The following RPS6KA6 variants were observed in gnomAD, a reference collection of about 807,000 sequenced individuals.
The protein encoded by RPS6KA6 is ribosomal protein S6 kinase A6, also known as ribosomal protein S6 kinase alpha-6.
RPS6KA6 carries 27 observed loss-of-function variants against 65.4 expected under a neutral mutation model. The ratio of observed to expected loss-of-function variants is 0.41; its 90% CI spans 0.30 to 0.57. RPS6KA6 has a LOEUF of 0.57. RPS6KA6 is among the 20% of genes least tolerant of loss of function. The pLI, the probability that RPS6KA6 is intolerant of heterozygous loss-of-function variation, is 0.24. For synonymous variants in RPS6KA6, 190 were observed against 184.2 expected (o/e 1.03, Z -0.26); for missense variants, 486 against 555.6 (o/e 0.87, Z 1.26).
chrX:84,090,390 G>C, intron 20 of RPS6KA6, among the ~76,000 whole-genome samples: 1 of 112,126 alleles, frequency 8.9e-6, no homozygotes, highest in Middle Eastern at 4.6e-3. Context: ...ACTACTATGA[G>C]TTCTAGATGA....
intron 1 of RPS6KA6, among the ~76,000 whole-genome samples, chrX:84,167,790 ATG>A (rs1419346842): frequency 1.8e-5 from 2 of 109,300 alleles, no homozygotes; most frequent in Non-Finnish European, 1.9e-5. Context: ...GAGTGTGTGT[ATG>A]TGTGTGTGTG....
chrX:84,148,964 T>C (rs1382430457), intron 3 of RPS6KA6, among the ~76,000 whole-genome samples: 2 of 111,861 alleles, frequency 1.8e-5, no homozygotes, highest in African/African-American at 6.5e-5. Context: ...TTATACACAG[T>C]AGAATCTCTT....
Position 84,129,654 on chromosome X carries a change from T to A in RPS6KA6, c.646+5128A>T, listed in dbSNP as rs2034859880. Among the ~76,000 whole-genome samples, 3 of 111,391 alleles carry A rather than the reference T, an allele frequency of 2.7e-5. No individual in the cohort carries two copies. In the Admixed American group the frequency reaches 2.9e-4, roughly 11 times the overall value. On this transcript the variant is annotated intron_variant, in intron 8 of 21. Transcript: ENST00000262752. ...AATGTGGCACTTATACACAACAGAG[T>A]ACTATTCATCCATAAAAAAGAGTAA...
chrX:84,180,235 A>G (rs2035830154), intron 1 of RPS6KA6, among the ~76,000 whole-genome samples: 1 of 111,843 alleles, frequency 8.9e-6, no homozygotes, highest in Non-Finnish European at 1.9e-5. Flanking sequence ...CTTAATGACT[A>G]ATTTCAACTG....
chrX:84,145,050 A>T (rs2035175697), intron 6 of RPS6KA6, among the ~76,000 whole-genome samples: 1 of 111,404 alleles, frequency 9.0e-6, no homozygotes, highest in Admixed American at 9.6e-5. Flanking sequence ...TTCGGGAATG[A>T]CAGATATGCT....
chrX:84,095,326 A>T (rs921017660), intron 20 of RPS6KA6, among the ~76,000 whole-genome samples: 3 of 111,410 alleles, frequency 2.7e-5, no homozygotes, highest in Non-Finnish European at 5.7e-5. Context: ...AGCTTCTGGG[A>T]CCTAAAAGCC....
At chrX:84,105,632 GA>G (rs200600575) in intron 16 of RPS6KA6, among the ~76,000 whole-genome samples, 154 bp downstream of exon 16, 62 of 109,567 alleles carry the variant, frequency 5.7e-4, no homozygotes, top group African/African-American at 1.8e-3. Flanking sequence ...AGAATCATGG[GA>G]AAAAAAAGAA....
intron 1 of RPS6KA6, 109 bp from the exon 2 acceptor site, chrX:84,164,496 C>T (rs2035567616): frequency 3.8e-6 from 2 of 520,581 alleles, no homozygotes; most frequent in East Asian, 3.7e-5. Context: ...AAGATCCACA[C>T]TTACTGAAAA....
At chrX:84,132,915 A>G (rs202073481) in intron 8 of RPS6KA6, among the ~76,000 whole-genome samples, 27 of 76,391 alleles carry the variant, frequency 3.5e-4, no homozygotes, top group Non-Finnish European at 6.3e-4. Flanking sequence ...TGGACTAGTG[A>G]AAAAAAAAAA....
At chrX:84,149,419 A>G (rs1485362658) in intron 3 of RPS6KA6, among the ~76,000 whole-genome samples, 1 of 112,125 alleles carries the variant, frequency 8.9e-6, no homozygotes, top group Non-Finnish European at 1.9e-5. Context: ...GATTCATCAG[A>G]GCAATCACCA....
At chrX:84,122,480 G>A (rs978739549) in intron 8 of RPS6KA6, among the ~76,000 whole-genome samples, 4 of 94,389 alleles carry the variant, frequency 4.2e-5, no homozygotes, top group Non-Finnish European at 8.1e-5. Flanking sequence ...ACAGGCGCCC[G>A]CCACCACGGG....
chrX:84,071,051 G>A (rs1276761678), intron 20 of RPS6KA6, among the ~76,000 whole-genome samples: 1 of 111,830 alleles, frequency 8.9e-6, no homozygotes, highest in Admixed American at 9.5e-5. Flanking sequence ...CAACCTGAGA[G>A]AGTTTTCTAG....
intron 1 of RPS6KA6, among the ~76,000 whole-genome samples, chrX:84,168,559 C>T (rs1409410631): frequency 1.8e-5 from 2 of 111,051 alleles, no homozygotes; most frequent in African/African-American, 3.3e-5. Context: ...GAAGAGCATT[C>T]GGAAAACAGT....
At chrX:84,182,055 TCTCTCTCTCA>T (rs1162892533) in intron 1 of RPS6KA6, among the ~76,000 whole-genome samples, 29 of 92,989 alleles carry the variant, frequency 3.1e-4, no homozygotes, top group African/African-American at 1.0e-3. Context: ...TCTCTCTCTC[TCTCTCTCTCA>T]CACACACACA....
intron 1 of RPS6KA6, among the ~76,000 whole-genome samples, chrX:84,170,174 A>AT (rs1239803016): frequency 1.3e-4 from 14 of 109,063 alleles, no homozygotes; most frequent in African/African-American, 4.7e-4. Context: ...CTAAAAAAAA[A>AT]AAAAAAAAAA....
intron 16 of RPS6KA6, among the ~76,000 whole-genome samples, 156 bp from the exon 17 acceptor site, chrX:84,104,813 T>A (rs765339830): frequency 9.0e-6 from 1 of 110,949 alleles, no homozygotes; most frequent in African/African-American, 3.3e-5. Context: ...CAGTACAGGC[T>A]GTACTAAAGG....
intron 3 of RPS6KA6, among the ~76,000 whole-genome samples, chrX:84,154,353 A>G (rs953732807): frequency 2.7e-5 from 3 of 111,413 alleles, no homozygotes; most frequent in Non-Finnish European, 5.7e-5. Context: ...TTTCTGGAAC[A>G]AAGCTGAAGA....
At chrX:84,168,943 C>A (rs1031682941) in intron 1 of RPS6KA6, among the ~76,000 whole-genome samples, 18 of 111,919 alleles carry the variant, frequency 1.6e-4, no homozygotes, top group African/African-American at 5.8e-4. Context: ...CTACGGAGAA[C>A]CACAGTGTAT....
chrX:84,118,573 C>A (rs183121578), intron 9 of RPS6KA6, among the ~76,000 whole-genome samples: 1 of 111,723 alleles, frequency 9.0e-6, no homozygotes, highest in East Asian at 2.8e-4. Context: ...TTTTTTCCCA[C>A]TTCCAAAACC....
Sources: allele counts gnomAD v4.1 joint callset (sites outside exome capture counted in the v4.1 genomes callset), GRCh38; gene constraint gnomAD v4.1.1; transcripts MANE v1.5; gene names NCBI Gene and HGNC (gene_info 2026-07-23, HGNC 2026-07-21).